PIGK: variants seen among roughly 807,000 people sequenced by gnomAD.
PIGK encodes the protein GPI-anchor transamidase.
PIGK carries 42 observed loss-of-function variants against 50.6 expected under a neutral mutation model. That is an observed-to-expected ratio of 0.83 (90% CI 0.65 to 1.07). The LOEUF is 1.07. PIGK is among the 50% of genes least tolerant of loss of function. PIGK has a pLI of 0.00. For missense variants in PIGK, 448 were observed against 488.7 expected, an observed-to-expected ratio of 0.92 and a Z score of 0.78; for synonymous variants, 151 against 156.0, an observed-to-expected ratio of 0.97 and a Z score of 0.24.
chr1:77,109,985 A>C (rs2100518380), intron 10 of PIGK, among the ~76,000 whole-genome samples: 1 of 152,338 alleles, frequency 6.6e-6, no homozygotes, highest in African/African-American at 2.4e-5. Flanking sequence ...CAGAGAGCCA[A>C]ATCATGAGTG....
intron 3 of PIGK, among the ~76,000 whole-genome samples, chr1:77,201,585 C>A (rs1308384017): frequency 6.6e-6 from 1 of 151,668 alleles, no homozygotes. Flanking sequence ...CGTGGCAAAA[C>A]CTTGTCTCTA....
chr1:77,196,023 T>C (rs1301797386), intron 3 of PIGK, among the ~76,000 whole-genome samples: 3 of 152,132 alleles, frequency 2.0e-5, no homozygotes, highest in Non-Finnish European at 4.4e-5. Flanking sequence ...TTCCCATCTT[T>C]ATGTGCATGT....
intron 10 of PIGK, among the ~76,000 whole-genome samples, chr1:77,097,482 T>C (rs925955628): frequency 2.0e-5 from 3 of 152,174 alleles, no homozygotes; most frequent in African/African-American, 7.2e-5. Context: ...TGTACCTTTT[T>C]CCATGATAAA....
In PIGK at chr1:77,172,902, C is replaced by T. The variant is rs529692324; in HGVS notation, c.240-3507G>A. Reference sequence around the variant, plus strand: ...TCACGCCACTGCACTCCAGCCTGGGCGACAGAGCGAGACTCCGCCTCAGAA... The same window carrying T: ...TCACGCCACTGCACTCCAGCCTGGGTGACAGAGCGAGACTCCGCCTCAGAA... On this transcript the variant is annotated intron_variant, in intron 3 of 10. Transcript: ENST00000370812. 8.1e-4 allele frequency among the ~76,000 whole-genome samples: 123 copies of T among 152,120 alleles called. 2 individuals are homozygous for T. The South Asian group carries it at 0.022, about 27-fold the overall frequency.
intron 10 of PIGK, among the ~76,000 whole-genome samples, chr1:77,119,984 T>C (rs966844462): frequency 6.6e-6 from 1 of 152,162 alleles, no homozygotes; most frequent in South Asian, 2.1e-4. Context: ...AGAAAGATGA[T>C]AAAATAGGAT....
intron 3 of PIGK, among the ~76,000 whole-genome samples, chr1:77,175,808 C>A (rs1214994214): frequency 1.3e-5 from 2 of 152,072 alleles, no homozygotes; most frequent in African/African-American, 4.8e-5. Context: ...TCTTAGAGCA[C>A]TGATCTGCTC....
rs911838603 is a variant in PIGK at position 77,126,243 on chromosome 1, A to G, written c.987-3884T>C. Among the ~76,000 whole-genome samples the G allele has an allele frequency of 1.2e-4, 18 of 152,012 alleles. No homozygotes were observed. The East Asian group carries it at 3.5e-3, about 29-fold the overall frequency. ...CTTTCATTCTGTGTGTGTGTAATTT[A>G]CTAAGAAGATTTGATTTTAATTTTG... On this transcript the variant is annotated intron_variant, in intron 9 of 10. Transcript: ENST00000370812.
chr1:77,132,625 T>C (rs1275881525), intron 9 of PIGK, among the ~76,000 whole-genome samples: 2 of 152,082 alleles, frequency 1.3e-5, no homozygotes, highest in Non-Finnish European at 2.9e-5. Flanking sequence ...TTTTAATTGA[T>C]ATATTTACTG....
intron 2 of PIGK, among the ~76,000 whole-genome samples, chr1:77,209,374 G>A (rs1199715930): frequency 6.6e-6 from 1 of 151,820 alleles, no homozygotes; most frequent in Non-Finnish European, 1.5e-5. Flanking sequence ...CACTAAGGTT[G>A]GGCAAAAGGC....
At chr1:77,112,627 T>C (rs549286645) in intron 10 of PIGK, among the ~76,000 whole-genome samples, 4 of 152,172 alleles carry the variant, frequency 2.6e-5, no homozygotes, top group African/African-American at 4.8e-5. Flanking sequence ...TATTACGTTG[T>C]AAGTCAAAAC....
chr1:77,204,970 AAC>A (rs1656256736), intron 3 of PIGK, among the ~76,000 whole-genome samples: 1 of 152,200 alleles, frequency 6.6e-6, no homozygotes, highest in East Asian at 1.9e-4. Context: ...AGACTTCATA[AAC>A]ACAGTTATAG....
intron 10 of PIGK, among the ~76,000 whole-genome samples, chr1:77,109,149 G>A (rs1412518948): frequency 6.6e-6 from 1 of 152,178 alleles, no homozygotes; most frequent in Non-Finnish European, 1.5e-5. Context: ...TCCAGGACCA[G>A]ATGGATTCAC....
chr1:77,121,852 T>C (rs1004569708), intron 10 of PIGK, among the ~76,000 whole-genome samples: 1 of 152,110 alleles, frequency 6.6e-6, no homozygotes, highest in South Asian at 2.1e-4. Flanking sequence ...TTTGCAAGGG[T>C]TGATGATTGG....
chr1:77,145,771 T>A (rs61782907), intron 9 of PIGK, among the ~76,000 whole-genome samples: 23 of 151,890 alleles, frequency 1.5e-4, no homozygotes, highest in African/African-American at 5.1e-4. Context: ...AAAAAAAATT[T>A]GGAGGACTTA....
At chr1:77,186,251 G>T (rs12143529) in intron 3 of PIGK, among the ~76,000 whole-genome samples, 35,615 of 152,218 alleles carry the variant, frequency 0.23, 5,119 homozygotes, top group Non-Finnish European at 0.32. Flanking sequence ...TTCACAGATG[G>T]TTCTGCACAA....
chr1:77,153,201 A>T (rs1654929998), intron 9 of PIGK, among the ~76,000 whole-genome samples: 1 of 152,192 alleles, frequency 6.6e-6, no homozygotes, highest in Admixed American at 6.5e-5. Context: ...AAATCTTGTT[A>T]TTTGTAACAA....
At chr1:77,196,136 A>T (rs953152978) in intron 3 of PIGK, among the ~76,000 whole-genome samples, 2 of 152,222 alleles carry the variant, frequency 1.3e-5, no homozygotes, top group African/African-American at 4.8e-5. Context: ...AGCTGTACGC[A>T]TGTAGCTGGA....
At chr1:77,141,956 T>A (rs2100543264) in intron 9 of PIGK, among the ~76,000 whole-genome samples, 1 of 152,246 alleles carries the variant, frequency 6.6e-6, no homozygotes, top group South Asian at 2.1e-4. Context: ...CAGATCCGTA[T>A]CATTTACCAG....
chr1:77,107,505 C>A (rs1383373171), intron 10 of PIGK, among the ~76,000 whole-genome samples: 3 of 152,162 alleles, frequency 2.0e-5, no homozygotes, highest in Admixed American at 6.5e-5. Context: ...TGCTTTACTT[C>A]CAACTATGTG....
Sources: allele counts gnomAD v4.1 joint callset (sites outside exome capture counted in the v4.1 genomes callset), GRCh38; gene constraint gnomAD v4.1.1; transcripts MANE v1.5; gene names NCBI Gene and HGNC (gene_info 2026-07-23, HGNC 2026-07-21).